FBL: variants seen among roughly 807,000 people sequenced by gnomAD.
The protein encoded by FBL is rRNA 2'-O-methyltransferase fibrillarin.
FBL carries 10 observed loss-of-function variants against 42.2 expected under a neutral mutation model. That is an observed-to-expected ratio of 0.24 (90% CI 0.15 to 0.40). The LOEUF is 0.40. FBL is among the 10% of genes least tolerant of loss of function. The probability of loss-of-function intolerance (pLI) is 1.00; values close to 1 mark genes in which losing one functional copy is unlikely to be tolerated. For synonymous variants in FBL, 165 were observed against 165.4 expected, an observed-to-expected ratio of 1.00 and a Z score of 0.02; for missense variants, 351 against 439.2, an observed-to-expected ratio of 0.80 and a Z score of 1.79.
rs192682726 is a variant in FBL, at chr19:39,835,143, G to A, written c.796-330C>T. On this transcript the variant is annotated intron_variant, in intron 7 of 8. Coordinates refer to ENST00000221801, the MANE Select transcript of FBL (RefSeq NM_001436.4). ...TTCTGCCAATGGATGACAGCAAGAA[G>A]GCCCTCGCCAGATTCAGACCTCCAA... Among the ~76,000 whole-genome samples the A allele has an allele frequency of 5.3e-5, 8 of 152,326 alleles. No individual in the cohort carries two copies. The East Asian group carries it at 1.5e-3, about 29-fold the overall frequency.
In FBL at chr19:39,840,726, A is replaced by G; in HGVS notation, c.72T>C (p.Arg24=). The change falls in exon 2 of 9, where the codon CGT becomes CGC. Residue 24 remains arginine, a synonymous_variant. Coordinates refer to ENST00000221801, the MANE Select transcript of FBL (RefSeq NM_001436.4). This position sits in a 1 kb window ranked among gnomAD's most constrained non-coding sequence, Gnocchi z 4.5. ...CCCCGCCAAAGCCCCCTCGGCCTCCACGACCACCACGGTCACCAAAGCCCC... is the reference window on the plus strand; with the variant it reads ...CCCCGCCAAAGCCCCCTCGGCCTCCGCGACCACCACGGTCACCAAAGCCCC... ...GRGGFGDRGG[R]GGRGGFGGGR... 2 of 1,576,628 alleles carry G rather than the reference A, an allele frequency of 1.3e-6. No homozygotes were observed. The highest frequency in any genetic ancestry group is 1.7e-6 in the Non-Finnish European group (2 of 1,161,622).
intron 1 of FBL, 115 bp downstream of exon 1, chr19:39,846,176 C>T (rs1969258449): frequency 1.9e-5 from 23 of 1,229,210 alleles, no homozygotes; most frequent in South Asian, 1.5e-4. Context: ...GAGACTGGAA[C>T]CCGTGCTCAG....
intron 7 of FBL, among the ~76,000 whole-genome samples, chr19:39,836,158 A>G (rs560295851): frequency 1.3e-5 from 2 of 151,848 alleles, no homozygotes; most frequent in South Asian, 4.2e-4. Context: ...AGAGTTCTCC[A>G]TTATTTCCAA....
chr19:39,846,201 G>A (rs778942544), intron 1 of FBL, 90 bp downstream of exon 1: 251 of 1,496,004 alleles, frequency 1.7e-4, no homozygotes, highest in Non-Finnish European at 2.2e-4. Flanking sequence ...CCTGCCCCCA[G>A]GCCAAGGCCC....
intron 1 of FBL, among the ~76,000 whole-genome samples, chr19:39,842,458 A>C (rs958003402): frequency 2.0e-5 from 3 of 152,224 alleles, no homozygotes; most frequent in Non-Finnish European, 4.4e-5. Context: ...ATGGTATTAA[A>C]GATAAAAAAT....
chr19:39,838,731 T>G, intron 5 of FBL: 2 of 259,454 alleles, frequency 7.7e-6, no homozygotes, highest in Non-Finnish European at 7.3e-6. Flanking sequence ...GAAGAGCAGG[T>G]TTTAGCAGCA....
intron 7 of FBL, among the ~76,000 whole-genome samples, chr19:39,835,294 C>T (rs141224105): frequency 6.6e-6 from 1 of 151,950 alleles, no homozygotes; most frequent in African/African-American, 2.4e-5. Flanking sequence ...GCCGAGGTGG[C>T]TCAATCACGA....
chr19:39,844,781 G>T (rs138394670), intron 1 of FBL, among the ~76,000 whole-genome samples: 2 of 152,274 alleles, frequency 1.3e-5, no homozygotes, highest in East Asian at 3.9e-4. Context: ...GAAGCAAAAA[G>T]AATCCCTTTT....
At chr19:39,846,035 C>T (rs1241753388) in intron 1 of FBL, among the ~76,000 whole-genome samples, 1 of 152,220 alleles carries the variant, frequency 6.6e-6, no homozygotes, top group Non-Finnish European at 1.5e-5. Context: ...TATTAGACGG[C>T]CTCAATGAGA....
chr19:39,844,947 T>C (rs940423351), intron 1 of FBL, among the ~76,000 whole-genome samples: 2 of 152,052 alleles, frequency 1.3e-5, no homozygotes, highest in African/African-American at 2.4e-5. Flanking sequence ...ACGGGTATCC[T>C]CCATTTATGA....
chr19:39,836,809 C>T, intron 6 of FBL, 141 bp from the exon 7 acceptor site: 4 of 602,164 alleles, frequency 6.6e-6, no homozygotes, highest in Non-Finnish European at 1.2e-5. Flanking sequence ...CACTGGTCCC[C>T]CTCCCTCCAG....
intron 5 of FBL, 86 bp from the exon 6 acceptor site, chr19:39,837,929 T>A: frequency 8.9e-7 from 1 of 1,123,674 alleles, no homozygotes. Flanking sequence ...ATACACAGCA[T>A]CTCTTCCAAC....
At chr19:39,835,622 A>C (rs1160164387) in intron 7 of FBL, among the ~76,000 whole-genome samples, 1 of 152,180 alleles carries the variant, frequency 6.6e-6, no homozygotes, top group Admixed American at 6.5e-5. Flanking sequence ...GAAATGTGAT[A>C]AAAGGCTTAA....
rs1969143394 is a variant in FBL at position 39,840,622 on chromosome 19, C to A, written c.176G>T (p.Arg59Ile). ...GGGGGGGGGG[R>I]GGGGFHSGGN... The stretch of plus-strand genomic sequence containing the variant: ...TAACCCCTAGCCAATCTTACCACCT[C>A]TTCCTCCTCCTCCACCGCCGCCGCC... Residue 59 changes from arginine (R) to isoleucine (I), a missense_variant, in exon 2 of 9, where the codon AGA (arginine) becomes ATA (isoleucine). Transcript: ENST00000221801. The surrounding 1 kb of genome is among the most constrained non-coding windows in gnomAD (Gnocchi z 4.5). The A allele has an allele frequency of 6.2e-7, 1 of 1,613,542 alleles. No homozygotes were observed. The highest frequency in any genetic ancestry group is 8.5e-7 in the Non-Finnish European group (1 of 1,179,816).
chr19:39,844,383 T>C (rs1429367080), intron 1 of FBL, among the ~76,000 whole-genome samples: 1 of 151,826 alleles, frequency 6.6e-6, no homozygotes, highest in African/African-American at 2.4e-5. Flanking sequence ...TTTCAGGTCC[T>C]GGAGCTTTTG....
rs1969150426 is a variant in FBL at position 39,840,787 on chromosome 19, C to T, written c.11G>A (p.Gly4Glu). Residue 4 changes from glycine to glutamate, a missense_variant and splice_region_variant, in exon 2 of 9, where the codon GGA becomes GAA. Physicochemically the swap from Gly to Glu is moderately conservative, Grantham distance 98. Coordinates refer to ENST00000221801, the MANE Select transcript of FBL (RefSeq NM_001436.4). The surrounding 1 kb of genome is among the most constrained non-coding windows in gnomAD (Gnocchi z 4.5). ...AAAGCCACCCCCACGGGGACTGAATCCTGTGGGGGAAACAAAACAGGAGTC... is the reference window on the plus strand; with the variant it reads ...AAAGCCACCCCCACGGGGACTGAATTCTGTGGGGGAAACAAAACAGGAGTC... MKP[G>E]FSPRGGGFGG... 1 of 1,542,260 alleles carries T rather than the reference C, an allele frequency of 6.5e-7. No homozygotes were observed. The highest frequency in any genetic ancestry group is 2.4e-5 in the East Asian group (1 of 42,356).
At chr19:39,837,684 C>T (rs772201327) in intron 6 of FBL, 27 bp downstream of exon 6, 1 of 1,538,522 alleles carries the variant, frequency 6.5e-7, no homozygotes, top group South Asian at 1.3e-5. Context: ...TGTCCTACCC[C>T]ACCGGGGCCA....
At chr19:39,839,530 G>GT (rs1249913218) in intron 4 of FBL, among the ~76,000 whole-genome samples, 16 of 152,204 alleles carry the variant, frequency 1.1e-4, no homozygotes, top group African/African-American at 3.9e-4. Flanking sequence ...CCCAGAAGGT[G>GT]TAAGTATTCA....
intron 1 of FBL, among the ~76,000 whole-genome samples, chr19:39,845,227 A>G (rs1452969424): frequency 1.3e-5 from 2 of 152,228 alleles, no homozygotes; most frequent in African/African-American, 4.8e-5. Flanking sequence ...GTTCTCACAC[A>G]GATGAGTGCG....
Sources: gnomAD v4.1 joint callset for allele counts (sites outside exome capture counted in the v4.1 genomes callset) on GRCh38, gnomAD v4.1.1 for gene constraint, Gnocchi (gnomAD v3.1) non-coding constraint, MANE v1.5 for transcripts, NCBI Gene and HGNC (gene_info 2026-07-23, HGNC 2026-07-21) for gene names.